Variants in SUGCT observed in about 807,000 individuals in gnomAD.
The protein encoded by SUGCT is succinyl-CoA:glutarate CoA-transferase.
SUGCT carries 41 observed loss-of-function variants against 55.0 expected under a neutral mutation model. The observed-to-expected ratio is 0.74, with a 90% CI of 0.58 to 0.97. The LOEUF (loss-of-function observed/expected upper bound fraction) is 0.97. Among genes scored for constraint, SUGCT ranks in the 50% least tolerant of loss-of-function variants. The pLI is 0.00. For synonymous variants in SUGCT, 187 were observed against 200.4 expected, an observed-to-expected ratio of 0.93 and a Z score of 0.56; for missense variants, 568 against 547.8, an observed-to-expected ratio of 1.04 and a Z score of -0.37.
chr7:40,534,002 G>A (rs577543069), intron 12 of SUGCT, among the ~76,000 whole-genome samples: 42 of 152,170 alleles, frequency 2.8e-4, no homozygotes, highest in Non-Finnish European at 4.6e-4. Flanking sequence ...TGTGACATTC[G>A]AAAGTATATA....
rs540611160 is a variant in SUGCT, at chr7:40,369,493, G to T, written c.816+52638G>T. On this transcript the variant is annotated intron_variant, in intron 9 of 13. Transcript: ENST00000335693. The stretch of plus-strand genomic sequence containing the variant: ...TGATTGCAGGAGCTTGATGTATAAC[G>T]CTTAAAACATATACATTTGTGTCTG... Among the ~76,000 whole-genome samples the T allele has an allele frequency of 7.2e-5, 11 of 152,058 alleles. No individual in the cohort carries two copies. The East Asian group carries it at 2.1e-3, about 29-fold the overall frequency.
chr7:40,809,731 G>A (rs188739997), intron 13 of SUGCT, among the ~76,000 whole-genome samples: 35 of 152,226 alleles, frequency 2.3e-4, no homozygotes, highest in Non-Finnish European at 4.4e-4. Context: ...CCATCACCCA[G>A]GTACTGAGCA....
At chr7:40,467,255 A>G (rs925079303) in intron 11 of SUGCT, among the ~76,000 whole-genome samples, 3 of 151,378 alleles carry the variant, frequency 2.0e-5, no homozygotes, top group African/African-American at 7.3e-5. Context: ...CAGTTTGAGC[A>G]TGCAGCAGTA....
the SUGCT span, among the ~76,000 whole-genome samples, chr7:41,018,454 A>G: frequency 6.6e-6 from 1 of 152,188 alleles, no homozygotes; most frequent in African/African-American, 2.4e-5. Flanking sequence ...TGAGAAACGG[A>G]TAGCCACCAG....
intron 13 of SUGCT, among the ~76,000 whole-genome samples, chr7:40,800,710 A>T (rs1172261688): frequency 6.6e-6 from 1 of 152,146 alleles, no homozygotes; most frequent in Non-Finnish European, 1.5e-5. Context: ...TTTTCTACCC[A>T]GGAAGGTGTA....
rs545547490 is a variant in SUGCT, at chr7:40,149,309, C to CTT, written c.100+14190_100+14191dup. 8.5e-5 allele frequency among the ~76,000 whole-genome samples: 13 copies of CTT among 152,300 alleles called. No homozygotes were observed. In the South Asian group the frequency reaches 2.7e-3, roughly 32 times the overall value. On this transcript the variant is annotated intron_variant, in intron 1 of 13. Transcript: ENST00000335693. ...AGAGATCTAACTTAACTGACTCCAT[C>CTT]TTGCTTCTAACCTCCAAGCTGTCCT...
chr7:40,177,029 A>T (rs75545679), intron 1 of SUGCT, among the ~76,000 whole-genome samples: 1 of 151,212 alleles, frequency 6.6e-6, no homozygotes, highest in East Asian at 1.9e-4. Flanking sequence ...TGCCCTTTCC[A>T]TCCTTCCAAA....
rs73312224 is a variant in SUGCT at position 40,786,424 on chromosome 7, T to A, written c.1153+36927T>A. 7.5e-3 allele frequency among the ~76,000 whole-genome samples: 1,148 copies of A among 152,302 alleles called. 16 individuals carry two copies. The highest frequency in any genetic ancestry group is 0.026 in the African/African-American group (1,072 of 41,564). ...ATTACTTATTATCTCAGCTGTGAGG[T>A]TGGCCTTACCATAGTTACTTGGCTT... On this transcript the variant is annotated intron_variant, in intron 13 of 13. Coordinates refer to ENST00000335693, the MANE Select transcript of SUGCT (RefSeq NM_001193313.2).
intron 12 of SUGCT, among the ~76,000 whole-genome samples, chr7:40,585,600 T>G (rs1797332018): frequency 6.6e-6 from 1 of 152,152 alleles, no homozygotes. Context: ...GTTGAACTCT[T>G]AGGCTCAACC....
At chr7:40,966,160 C>T in the SUGCT span, 2 of 152,124 alleles carry the variant, frequency 1.3e-5, no homozygotes, top group Non-Finnish European at 2.9e-5. Flanking sequence ...AGTTTCAAAA[C>T]CAATAGGACC....
the SUGCT span, among the ~76,000 whole-genome samples, chr7:40,882,134 C>G: frequency 5.9e-5 from 9 of 152,312 alleles, no homozygotes; most frequent in African/African-American, 2.2e-4. Context: ...CCATTGCTCT[C>G]CAGGCATCAG....
At chr7:40,486,577 CT>C (rs1190302294) in intron 11 of SUGCT, among the ~76,000 whole-genome samples, 1 of 151,784 alleles carries the variant, frequency 6.6e-6, no homozygotes, top group Non-Finnish European at 1.5e-5. Context: ...TATTGTTAAT[CT>C]TTTTACTTTT....
intron 13 of SUGCT, among the ~76,000 whole-genome samples, chr7:40,781,547 T>C (rs1257175505): frequency 6.6e-6 from 1 of 152,124 alleles, no homozygotes; most frequent in Non-Finnish European, 1.5e-5. Flanking sequence ...AATGAAGCTA[T>C]ATAAGTTACA....
At chr7:40,860,281 T>A in intron 13 of SUGCT, 35 bp from the exon 14 acceptor site, 1 of 1,613,658 alleles carries the variant, frequency 6.2e-7, no homozygotes, top group Non-Finnish European at 8.5e-7. Flanking sequence ...GGGTTAGTCA[T>A]TAACAGGCTT....
chr7:40,483,879 G>C (rs534722721), intron 11 of SUGCT, among the ~76,000 whole-genome samples: 1 of 152,252 alleles, frequency 6.6e-6, no homozygotes, highest in Non-Finnish European at 1.5e-5. Context: ...GTAGTGAATG[G>C]CATCAATTAC....
the SUGCT span, among the ~76,000 whole-genome samples, chr7:40,914,526 G>A: frequency 2.0e-5 from 3 of 151,914 alleles, no homozygotes; most frequent in African/African-American, 7.3e-5. Context: ...ACTTTACCAC[G>A]GATAAGATCT....
At chr7:40,181,727 C>T (rs1785222815) in intron 2 of SUGCT, among the ~76,000 whole-genome samples, 1 of 145,318 alleles carries the variant, frequency 6.9e-6, no homozygotes, top group African/African-American at 2.5e-5. Context: ...GCCTGGGTGA[C>T]AGAGCGAGAC....
chr7:40,435,945 C>CTTTTCTTTT (rs745704083), intron 9 of SUGCT, among the ~76,000 whole-genome samples: 2 of 114,602 alleles, frequency 1.7e-5, no homozygotes, highest in Non-Finnish European at 3.6e-5. Flanking sequence ...CTTTTCTTTT[C>CTTTTCTTTT]TTTTTTTTTT....
chr7:41,010,882 C>T, the SUGCT span, among the ~76,000 whole-genome samples: 14 of 152,212 alleles, frequency 9.2e-5, no homozygotes, highest in East Asian at 1.2e-3. Context: ...TGACCTGGAA[C>T]GAAATTAATC....
Sources: allele counts gnomAD v4.1 joint callset (sites outside exome capture counted in the v4.1 genomes callset), GRCh38; gene constraint gnomAD v4.1.1; transcripts MANE v1.5; gene names NCBI Gene and HGNC (gene_info 2026-07-23, HGNC 2026-07-21).